The following MBNL1 variants were observed in gnomAD, a reference collection of about 807,000 sequenced individuals.
MBNL1 encodes the protein muscleblind like splicing regulator 1.
A neutral mutation model predicts 42.2 loss-of-function variants in MBNL1; 8 were observed. The ratio of observed to expected loss-of-function variants is 0.19; its 90% CI spans 0.11 to 0.34. The LOEUF (loss-of-function observed/expected upper bound fraction) is 0.34. Ranked by LOEUF, MBNL1 falls within the 10% of genes least tolerant of loss-of-function variation. The probability of loss-of-function intolerance (pLI) is 1.00; values close to 1 mark genes in which losing one functional copy is unlikely to be tolerated. For synonymous variants in MBNL1, 169 were observed against 173.9 expected (o/e 0.97, Z 0.22); for missense variants, 309 against 495.3 (o/e 0.62, Z 3.57).
In MBNL1 at chr3:152,464,253, T is replaced by C. The variant is rs1749168593; in HGVS notation, c.*1887T>C. On this transcript the variant is annotated 3_prime_UTR_variant, in exon 10 of 10. Coordinates refer to ENST00000324210, the MANE Select transcript of MBNL1 (RefSeq NM_021038.5). ...TCAAAATACAAAAAAAAGTAGTTTT[T>C]CCTTCATAACATACTCAGTTTTGAA... 1 of 152,530 alleles carries C rather than the reference T, an allele frequency of 6.6e-6. No homozygotes were observed. Among genetic ancestry groups the C allele is most frequent in the Non-Finnish European group, 1.5e-5 (1 of 67,978 alleles). The allele number at this position is 152,530 out of a possible 1,614,324, so 9.4% of individuals were successfully genotyped here.
intron 1 of MBNL1, among the ~76,000 whole-genome samples, chr3:152,280,363 C>T (rs1461905974): frequency 1.3e-5 from 2 of 152,258 alleles, no homozygotes; most frequent in African/African-American, 2.4e-5. Context: ...ACAAAATCAA[C>T]TCATAATTTA....
At chr3:152,389,099 T>A (rs1389063282) in intron 2 of MBNL1, among the ~76,000 whole-genome samples, 1 of 152,158 alleles carries the variant, frequency 6.6e-6, no homozygotes, top group Non-Finnish European at 1.5e-5. Flanking sequence ...GCATCTCTTT[T>A]TTTTTTGAGA....
At chr3:152,313,045 C>T (rs1039448058) in intron 2 of MBNL1, among the ~76,000 whole-genome samples, 1 of 147,778 alleles carries the variant, frequency 6.8e-6, no homozygotes. Flanking sequence ...TTTTTTGAGA[C>T]GGAGTCTCGC....
chr3:152,424,567 A>G (rs1170976680), intron 3 of MBNL1, among the ~76,000 whole-genome samples: 1 of 152,030 alleles, frequency 6.6e-6, no homozygotes, highest in African/African-American at 2.4e-5. Context: ...GAATTAGAAA[A>G]AAAAAAAAAC....
At chr3:152,375,120 G>T (rs142249208) in intron 2 of MBNL1, among the ~76,000 whole-genome samples, 1 of 152,088 alleles carries the variant, frequency 6.6e-6, no homozygotes, top group Non-Finnish European at 1.5e-5. Context: ...GATTACAGGC[G>T]TGTGCCACCA....
intron 2 of MBNL1, among the ~76,000 whole-genome samples, chr3:152,402,162 A>G (rs1158742496): frequency 6.6e-6 from 1 of 152,154 alleles, no homozygotes; most frequent in Non-Finnish European, 1.5e-5. Flanking sequence ...GGATGCTTTC[A>G]AGCATCTCTG....
chr3:152,280,289 T>C (rs1484652498), intron 1 of MBNL1, among the ~76,000 whole-genome samples: 4 of 152,130 alleles, frequency 2.6e-5, no homozygotes, highest in Non-Finnish European at 5.9e-5. Context: ...GAGTGTGGAA[T>C]TTGCCTAAAA....
At chr3:152,373,341 GA>G (rs35536807) in intron 2 of MBNL1, among the ~76,000 whole-genome samples, 41,335 of 90,474 alleles carry the variant, frequency 0.46, 8,156 homozygotes, top group East Asian at 0.71. Flanking sequence ...CTGGGGTATG[GA>G]AAAAAAAAAA....
chr3:152,370,259 A>G (rs1168515194), intron 2 of MBNL1, among the ~76,000 whole-genome samples: 1 of 152,120 alleles, frequency 6.6e-6, no homozygotes, highest in Non-Finnish European at 1.5e-5. Context: ...TTCATTATTT[A>G]CCCAGTAGTC....
At chr3:152,297,253 TG>T (rs1282987377) in intron 1 of MBNL1, among the ~76,000 whole-genome samples, 1,837 of 140,258 alleles carry the variant, frequency 0.013, 36 homozygotes, top group African/African-American at 0.047. Flanking sequence ...ACTGGACCTT[TG>T]TTTTTTTTTT....
At chr3:152,314,302 C>T (rs185362003) in intron 2 of MBNL1, among the ~76,000 whole-genome samples, 8,492 of 144,562 alleles carry the variant, frequency 0.059, 317 homozygotes, top group Non-Finnish European at 0.087. Flanking sequence ...TTTTTTTTTT[C>T]CCCCTTTCAC....
chr3:152,455,451 C>A, intron 6 of MBNL1, 91 bp from the exon 7 acceptor site: 2 of 1,047,242 alleles, frequency 1.9e-6, no homozygotes, highest in Non-Finnish European at 3.0e-6. Context: ...CTTCTTTGTT[C>A]AAATGAATTT....
intron 2 of MBNL1, among the ~76,000 whole-genome samples, chr3:152,334,579 G>A (rs1560188440): frequency 6.6e-6 from 1 of 152,170 alleles, no homozygotes; most frequent in Admixed American, 6.5e-5. Context: ...TGGAAGTATT[G>A]ATTATGAAAA....
At chr3:152,348,131 TA>T (rs1382038061) in intron 2 of MBNL1, among the ~76,000 whole-genome samples, 7 of 152,094 alleles carry the variant, frequency 4.6e-5, no homozygotes, top group Non-Finnish European at 7.4e-5. Flanking sequence ...TTGAAAGAGT[TA>T]GATACCTTCC....
At chr3:152,379,810 C>T (rs1367412503) in intron 2 of MBNL1, among the ~76,000 whole-genome samples, 3 of 151,818 alleles carry the variant, frequency 2.0e-5, no homozygotes. Context: ...AACAATGAGT[C>T]AGAAGATAGG....
At chr3:152,250,119 T>C (rs2034265938) in intron 2 of MBNL1, among the ~76,000 whole-genome samples, 1 of 152,250 alleles carries the variant, frequency 6.6e-6, no homozygotes, top group South Asian at 2.1e-4. Context: ...TTTGGATCCA[T>C]ATGAACTTTG....
chr3:152,340,352 C>A, intron 2 of MBNL1: 1 of 695,418 alleles, frequency 1.4e-6, no homozygotes, highest in Non-Finnish European at 2.3e-6. Context: ...AAAAACTGAA[C>A]AATAGTAATC....
rs2047309734 is a variant in MBNL1, at chr3:152,279,711, G to A, written c.-790+10619G>A. ...GGTAGACCCATTTGGGATTCCCTCA[G>A]AGGAAGCTTGTGAAGTTTGAAGATA... On this transcript the variant is annotated intron_variant, in intron 1 of 9. Transcript: ENST00000324210. Among the ~76,000 whole-genome samples, 3 of 152,136 alleles carry A rather than the reference G, an allele frequency of 2.0e-5. No homozygotes were observed. In the South Asian group the frequency reaches 6.2e-4, roughly 32 times the overall value.
chr3:152,451,628 TAA>T (rs1018491248), intron 6 of MBNL1, among the ~76,000 whole-genome samples: 1 of 152,190 alleles, frequency 6.6e-6, no homozygotes, highest in Non-Finnish European at 1.5e-5. Context: ...TATTTTTGTT[TAA>T]GAGTGTTTAA....
Sources: allele counts gnomAD v4.1 joint callset (sites outside exome capture counted in the v4.1 genomes callset), GRCh38; gene constraint gnomAD v4.1.1; transcripts MANE v1.5; gene names NCBI Gene and HGNC (gene_info 2026-07-23, HGNC 2026-07-21).